MED23: variants seen among roughly 807,000 people sequenced by gnomAD.
MED23 encodes the protein mediator complex subunit 23, also known as mediator of RNA polymerase II transcription subunit 23.
MED23 carries 105 observed loss-of-function variants against 163.9 expected under a neutral mutation model. The ratio of observed to expected loss-of-function variants is 0.64; its 90% CI spans 0.55 to 0.75. The LOEUF is 0.75. Among genes scored for constraint, MED23 ranks in the 30% least tolerant of loss-of-function variants. The pLI, the probability that MED23 is intolerant of heterozygous loss-of-function variation, is 0.00. For missense variants in MED23, 1,054 were observed against 1,649.0 expected (o/e 0.64, Z 6.25); for synonymous variants, 561 against 565.6 (o/e 0.99, Z 0.12).
downstream of MED23, chr6:131,582,731 GA>G: frequency 6.2e-7 from 1 of 1,610,064 alleles, no homozygotes; most frequent in Non-Finnish European, 8.5e-7. Flanking sequence ...CTTATTCCTT[GA>G]TGTGATTTGC....
At position 131,587,009 on chromosome 6, in the gene MED23, C is replaced by T. The variant is rs10457573; in HGVS notation, c.*670G>A. 8,707 of 1,450,066 alleles carry T rather than the reference C, an allele frequency of 6.0e-3. 42 individuals are homozygous for T. The highest frequency in any genetic ancestry group is 7.1e-3 in the Non-Finnish European group (7,862 of 1,099,610). The allele number at this position is 1,450,066 out of a possible 1,614,324, so 89.8% of individuals were successfully genotyped here. On this transcript the variant is annotated 3_prime_UTR_variant, in exon 29 of 29. Coordinates refer to ENST00000368068, the MANE Select transcript of MED23 (RefSeq NM_004830.4). ...AACCATTTAAGCATGATTTTAAGTT[C>T]AAGAATTTTCAGATGTTATTTTCTT...
rs149603528 is a variant in MED23 at position 131,598,923 on chromosome 6, A to G, written c.2221-162T>C. ...CTGAATTTCTGTGTCTGGAAAATAC[A>G]TAAGCTTGACTAGATTATCTCCAAG... On this transcript the variant is annotated intron_variant, in intron 18 of 28. Coordinates refer to ENST00000368068, the MANE Select transcript of MED23 (RefSeq NM_004830.4). The surrounding 1 kb of genome is among the most constrained non-coding windows in gnomAD (Gnocchi z 4.7). Among the ~76,000 whole-genome samples, 6 of 152,358 alleles carry G rather than the reference A, an allele frequency of 3.9e-5. No homozygotes were observed. In the East Asian group the frequency reaches 1.2e-3, roughly 29 times the overall value.
intron 30 of MED23, among the ~76,000 whole-genome samples, chr6:131,575,919 G>A (rs1286854451): frequency 6.6e-6 from 1 of 152,164 alleles, no homozygotes; most frequent in Non-Finnish European, 1.5e-5. Flanking sequence ...CCCAGATGAT[G>A]ACTTTTTCTG....
chr6:131,604,430 T>G lies in MED23; in HGVS notation c.1614-110A>C, dbSNP rs1775707330. ...TAAATCTGAACTTAAATGATTCAAA[T>G]GAAGTTGATTCATTTAATGTGTTTA... On this transcript the variant is annotated intron_variant, in intron 14 of 28. Transcript: ENST00000368068. 6.6e-6 allele frequency: 8 copies of G among 1,212,546 alleles called. No homozygotes were observed. In the South Asian group the frequency reaches 7.8e-5, roughly 12 times the overall value. 75.1% of individuals were successfully genotyped at this position (1,212,546 alleles called of 1,614,324 possible).
chr6:131,619,676 A>C (rs1176102792), intron 8 of MED23, 151 bp downstream of exon 8: 2 of 628,998 alleles, frequency 3.2e-6, no homozygotes, highest in African/African-American at 3.7e-5. Flanking sequence ...GTAAGTGAAA[A>C]CAAGGGAAAG....
chr6:131,620,482 C>T (rs2114755628), intron 7 of MED23, 146 bp downstream of exon 7: 1 of 656,624 alleles, frequency 1.5e-6, no homozygotes, highest in Non-Finnish European at 2.8e-6. Context: ...TAATGTTTTG[C>T]AGAGACAGAG....
chr6:131,578,135 C>A (rs1432834844), intron 30 of MED23, among the ~76,000 whole-genome samples: 13 of 149,190 alleles, frequency 8.7e-5, no homozygotes, highest in African/African-American at 3.2e-4. Flanking sequence ...TTGACCCGCA[C>A]AGTTAAAATT....
chr6:131,577,022 G>T (rs559627879), intron 30 of MED23, among the ~76,000 whole-genome samples: 2 of 152,200 alleles, frequency 1.3e-5, no homozygotes, highest in African/African-American at 4.8e-5. Context: ...TAGGGGAGCC[G>T]GGGGAACAGC....
intron 9 of MED23, among the ~76,000 whole-genome samples, chr6:131,617,627 T>C (rs1036695253): frequency 6.6e-6 from 1 of 152,136 alleles, no homozygotes; most frequent in Non-Finnish European, 1.5e-5. Flanking sequence ...ATGTGCTAAT[T>C]TTAAAGAATT....
Position 131,618,387 on chromosome 6 carries a change from C to T in MED23, c.780+20G>A. ...AGACTGTCAGATGGACTAAAAGTGC[C>T]ATTATATTTAGCAACATACCTTATC... On this transcript the variant is annotated intron_variant, in intron 9 of 28. Transcript: ENST00000368068. 1.3e-6 allele frequency: 2 copies of T among 1,524,276 alleles called. No homozygotes were observed. The highest frequency in any genetic ancestry group is 1.8e-6 in the Non-Finnish European group (2 of 1,098,914). The allele number at this position is 1,524,276 out of a possible 1,614,324, so 94.4% of individuals were successfully genotyped here.
chr6:131,584,977 C>A (rs1201633962), downstream of MED23, among the ~76,000 whole-genome samples: 21 of 131,498 alleles, frequency 1.6e-4, no homozygotes, highest in African/African-American at 5.2e-4. Flanking sequence ...CCAGCCTGGG[C>A]AACAGAATGA....
In MED23 at chr6:131,576,490, C is replaced by A. The variant is rs1773618362; in HGVS notation, c.4096-2195G>T. On this transcript the variant is annotated intron_variant, in intron 30 of 30. Coordinates refer to the MED23 transcript ENST00000354577. The stretch of plus-strand genomic sequence containing the variant: ...AGTTCTTTCTATTTGGCATAAAAGT[C>A]ATTCAGTCTACCTTGCTGTGAAGAT... The A allele has an allele frequency of 1.7e-5, 11 of 640,584 alleles. No individual in the cohort carries two copies. The South Asian group carries it at 2.0e-4, about 12-fold the overall frequency. The allele number at this position is 640,584 out of a possible 1,614,324, so 39.7% of individuals were successfully genotyped here.
At chr6:131,606,421 T>C in intron 13 of MED23, 58 bp downstream of exon 13, 2 of 1,567,876 alleles carry the variant, frequency 1.3e-6, no homozygotes, top group Non-Finnish European at 1.8e-6. Flanking sequence ...CCAATATTAG[T>C]CTACAATCCG....
Position 131,605,320 on chromosome 6 carries a change from T to C in MED23, c.1533A>G (p.Gly511=), listed in dbSNP as rs1775776775. The stretch of plus-strand genomic sequence containing the variant: ...TAGATCCTGAAGCCATACAGTTTGT[T>C]CCAGGGAGAGGTATCCTCATAATTC... ...GNGIMRIPLP[G]TNCMASGSIT... Residue 511 remains glycine (G), a synonymous_variant, in exon 14 of 29, where the codon GGA becomes GGG. Transcript: ENST00000368068. 6.2e-7 allele frequency: 1 copy of C among 1,613,348 alleles called. No individual in the cohort carries two copies. The highest frequency in any genetic ancestry group is 1.3e-5 in the African/African-American group (1 of 74,888).
At position 131,587,015 on chromosome 6, in the gene MED23, T is replaced by A; in HGVS notation, c.*664A>T. The stretch of plus-strand genomic sequence containing the variant: ...TTAAGCATGATTTTAAGTTCAAGAA[T>A]TTTCAGATGTTATTTTCTTACATGG... On this transcript the variant is annotated 3_prime_UTR_variant, in exon 29 of 29. Transcript: ENST00000368068. 1 of 1,447,930 alleles carries A rather than the reference T, an allele frequency of 6.9e-7. No individual in the cohort carries two copies. Among genetic ancestry groups the A allele is most frequent in the African/African-American group, 1.4e-5 (1 of 69,710 alleles). The allele number at this position is 1,447,930 out of a possible 1,614,324, so 89.7% of individuals were successfully genotyped here. A position where few individuals can be genotyped will look rare whatever the true frequency, so the allele number is the denominator to read the frequency against.
At chr6:131,592,320 T>C (rs1478834152) in intron 25 of MED23, 68 bp downstream of exon 25, 18 of 1,407,098 alleles carry the variant, frequency 1.3e-5, no homozygotes, top group Non-Finnish European at 1.8e-5. Flanking sequence ...TGCATCTTTT[T>C]CTTTTTGCTG....
intron 22 of MED23, among the ~76,000 whole-genome samples, chr6:131,594,656 G>A (rs890730930): frequency 1.6e-4 from 25 of 152,054 alleles, no homozygotes; most frequent in African/African-American, 5.1e-4. Context: ...TTATACTAGC[G>A]AAAGATGAAA....
In MED23 at chr6:131,586,820, CAAT is replaced by C; in HGVS notation, c.*856_*858del. On this transcript the variant is annotated 3_prime_UTR_variant, in exon 29 of 29. Coordinates refer to ENST00000368068, the MANE Select transcript of MED23 (RefSeq NM_004830.4). ...GCAATGCCAATTCCCCCAAAATTAA[CAAT>C]GTCTCTCAAAATCCAAGAAATAAAA... 1 of 1,517,120 alleles carries C rather than the reference CAAT, an allele frequency of 6.6e-7. No individual in the cohort carries two copies. Among genetic ancestry groups the C allele is most frequent in the Non-Finnish European group, 8.9e-7 (1 of 1,124,644 alleles). 94.0% of individuals were successfully genotyped at this position (1,517,120 alleles called of 1,614,324 possible).
downstream of MED23, among the ~76,000 whole-genome samples, chr6:131,586,468 G>T (rs1240520655): frequency 6.6e-6 from 1 of 152,072 alleles, no homozygotes; most frequent in African/African-American, 2.4e-5. Flanking sequence ...TTTTTAGCTG[G>T]ACTTGCATGG....
Sources: gnomAD v4.1 joint callset for allele counts (sites outside exome capture counted in the v4.1 genomes callset) on GRCh38, gnomAD v4.1.1 for gene constraint, Gnocchi (gnomAD v3.1) non-coding constraint, MANE v1.5 for transcripts, NCBI Gene and HGNC (gene_info 2026-07-23, HGNC 2026-07-21) for gene names.